EYS: variants seen among roughly 807,000 people sequenced by gnomAD.
The protein encoded by EYS is protein eyes shut homolog.
In EYS, 250 loss-of-function variants were observed where a neutral mutation model predicts 282.1. The observed-to-expected ratio is 0.89, with a 90% CI of 0.80 to 0.98. The LOEUF (loss-of-function observed/expected upper bound fraction) is 0.98, where lower values mean the gene tolerates loss of function less well. Ranked by LOEUF, EYS falls within the 50% of genes least tolerant of loss-of-function variation. The probability of loss-of-function intolerance (pLI) is 0.00; values close to 1 mark genes in which losing one functional copy is unlikely to be tolerated. For missense variants in EYS, 4,016 were observed against 3,709.0 expected (o/e 1.08, Z -2.15); for synonymous variants, 1,355 against 1,282.9 (o/e 1.06, Z -1.20).
chr6:65,484,867 A>G (rs2127259342), intron 5 of EYS, among the ~76,000 whole-genome samples: 1 of 152,316 alleles, frequency 6.6e-6, no homozygotes, highest in Non-Finnish European at 1.5e-5. Context: ...CTATTTTTGT[A>G]AACAAAGTTT....
At chr6:64,407,872 C>T (rs1489130838) in intron 28 of EYS, among the ~76,000 whole-genome samples, 1 of 152,070 alleles carries the variant, frequency 6.6e-6, no homozygotes, top group Non-Finnish European at 1.5e-5. Context: ...GCTGAGATTA[C>T]AGGTGTCCAC....
intron 30 of EYS, among the ~76,000 whole-genome samples, chr6:64,277,189 T>C (rs914732016): frequency 6.6e-6 from 1 of 152,152 alleles, no homozygotes; most frequent in Non-Finnish European, 1.5e-5. Flanking sequence ...CTCCTAATGC[T>C]TGTCCCCCAA....
At chr6:63,886,517 A>C (rs928445422) in intron 35 of EYS, among the ~76,000 whole-genome samples, 1 of 152,228 alleles carries the variant, frequency 6.6e-6, no homozygotes, top group African/African-American at 2.4e-5. Flanking sequence ...AAGTAATGCT[A>C]TGCAAGTTTC....
Position 64,687,433 on chromosome 6 carries a change from C to T in EYS, c.3444-61188G>A, listed in dbSNP as rs372373828. The stretch of plus-strand genomic sequence containing the variant: ...CATTGAGAGTTTTTAGCATGAAGGG[C>T]TGTTGAATTTTGTTGAAGGCCTTTT... On this transcript the variant is annotated intron_variant, in intron 22 of 42. Transcript: ENST00000503581. Among the ~76,000 whole-genome samples, 47 of 152,102 alleles carry T rather than the reference C, an allele frequency of 3.1e-4. No homozygotes were observed. In the South Asian group the frequency reaches 4.1e-3, roughly 13 times the overall value.
At chr6:63,983,804 A>T (rs892383873) in intron 35 of EYS, among the ~76,000 whole-genome samples, 2 of 151,798 alleles carry the variant, frequency 1.3e-5, no homozygotes, top group African/African-American at 4.8e-5. Context: ...GGGTTGATTC[A>T]GTTAAGACAT....
In EYS at chr6:65,405,293, T is replaced by G. The variant is rs759580570; in HGVS notation, c.937A>C (p.Ser313Arg). ...FWKRGICPNSSSAYTYECPKG... is the reference protein window; with the variant it reads ...FWKRGICPNSRSAYTYECPKG... ...GGGCATTCATAAGTATAAGCAGAAC[T>G]GCTATTTGGGCAAATTCCTCTTTTC... Residue 313 changes from serine (S) to arginine (R), a missense_variant, in exon 6 of 43, where the codon AGT (serine) becomes CGT (arginine). Ser to Arg is a moderately radical substitution (Grantham distance 110, BLOSUM62 -1). Transcript: ENST00000503581. 7 of 1,612,958 alleles carry G rather than the reference T, an allele frequency of 4.3e-6. No individual in the cohort carries two copies. In the Admixed American group the frequency reaches 1.2e-4, roughly 27 times the overall value.
Position 65,175,217 on chromosome 6 carries a change from T to A in EYS, c.2024-117490A>T, listed in dbSNP as rs1562004843. ...ATGTTTTAAGGTAAGATAATATCATTCATTGAATTTGGATCTACTGAGTTT... is the reference window on the plus strand; with the variant it reads ...ATGTTTTAAGGTAAGATAATATCATACATTGAATTTGGATCTACTGAGTTT... On this transcript the variant is annotated intron_variant, in intron 12 of 42. Transcript: ENST00000503581. Among the ~76,000 whole-genome samples the A allele has an allele frequency of 5.3e-5, 8 of 151,478 alleles. No homozygotes were observed. In the South Asian group the frequency reaches 1.7e-3, roughly 31 times the overall value.
rs576397068 is a variant in EYS at position 64,160,672 on chromosome 6, A to G, written c.6424+69920T>C. The stretch of plus-strand genomic sequence containing the variant: ...TTCAATGCAGACATTTCCTGCTTTA[A>G]TGCATCTTTGTCTTTTTGGCCATGG... On this transcript the variant is annotated intron_variant, in intron 31 of 42. Transcript: ENST00000503581. 3.9e-5 allele frequency among the ~76,000 whole-genome samples: 6 copies of G among 152,342 alleles called. No individual in the cohort carries two copies. The South Asian group carries it at 1.0e-3, about 26-fold the overall frequency.
intron 12 of EYS, among the ~76,000 whole-genome samples, chr6:65,168,413 TGA>T (rs1765025693): frequency 6.6e-6 from 1 of 151,262 alleles, no homozygotes; most frequent in Non-Finnish European, 1.5e-5. Flanking sequence ...TTCTGGAAAT[TGA>T]GACTTCCAAG....
intron 2 of EYS, among the ~76,000 whole-genome samples, chr6:65,564,119 G>A (rs1263771589): frequency 6.6e-6 from 1 of 152,034 alleles, no homozygotes; most frequent in East Asian, 1.9e-4. Context: ...AAGGAAATGA[G>A]AGAGGACACA....
intron 29 of EYS, among the ~76,000 whole-genome samples, chr6:64,361,683 C>A (rs1163294296): frequency 6.6e-6 from 1 of 151,668 alleles, no homozygotes; most frequent in African/African-American, 2.4e-5. Context: ...ATTCCTTTAA[C>A]AATTGCATTT....
At chr6:64,306,791 G>A (rs1769461817) in intron 30 of EYS, among the ~76,000 whole-genome samples, 179 bp downstream of exon 30, 1 of 152,086 alleles carries the variant, frequency 6.6e-6, no homozygotes, top group Non-Finnish European at 1.5e-5. Context: ...CATCTTAATT[G>A]GGATATAACT....
rs144576699 is a variant in EYS at position 65,264,888 on chromosome 6, T to C, written c.2023+30975A>G. Among the ~76,000 whole-genome samples, 790 of 151,886 alleles carry C rather than the reference T, an allele frequency of 5.2e-3. 6 individuals carry two copies. The highest frequency in any genetic ancestry group is 0.018 in the African/African-American group (759 of 41,530). On this transcript the variant is annotated intron_variant, in intron 12 of 42. Transcript: ENST00000503581. ...TATCATAGATATATCTGTGTAGATATATCTTATTCTATTTATTTTATCTAA... is the reference window on the plus strand; with the variant it reads ...TATCATAGATATATCTGTGTAGATACATCTTATTCTATTTATTTTATCTAA...
At chr6:64,533,629 G>A (rs1764424226) in intron 26 of EYS, among the ~76,000 whole-genome samples, 1 of 151,752 alleles carries the variant, frequency 6.6e-6, no homozygotes, top group South Asian at 2.1e-4. Context: ...ACACTTTTAG[G>A]CAAAATAAAA....
chr6:64,263,010 T>G (rs1767638619), intron 30 of EYS, among the ~76,000 whole-genome samples: 1 of 152,102 alleles, frequency 6.6e-6, no homozygotes, highest in East Asian at 1.9e-4. Flanking sequence ...CTTAATTATT[T>G]ATAATTCTGC....
At chr6:63,999,006 C>A (rs1767959685) in intron 34 of EYS, 69 bp downstream of exon 34, 1 of 947,424 alleles carries the variant, frequency 1.1e-6, no homozygotes. Context: ...TGCTTAGTAA[C>A]ATAAAAAATA....
intron 2 of EYS, among the ~76,000 whole-genome samples, chr6:65,585,749 T>G (rs1412211541): frequency 6.6e-6 from 1 of 151,782 alleles, no homozygotes; most frequent in Non-Finnish European, 1.5e-5. Context: ...GAGTTTTACC[T>G]AGAAAAGATT....
At chr6:65,574,737 G>A (rs1400516908) in intron 2 of EYS, among the ~76,000 whole-genome samples, 3 of 151,934 alleles carry the variant, frequency 2.0e-5, no homozygotes, top group South Asian at 2.1e-4. Flanking sequence ...AGGAAACATC[G>A]GACTTGAACT....
At chr6:64,923,204 A>T (rs1470284311) in intron 15 of EYS, among the ~76,000 whole-genome samples, 3 of 152,112 alleles carry the variant, frequency 2.0e-5, no homozygotes, top group African/African-American at 4.8e-5. Context: ...GAGGCCTCAG[A>T]ATCATGATGG....
Sources: gnomAD v4.1 joint callset for allele counts (sites outside exome capture counted in the v4.1 genomes callset) on GRCh38, gnomAD v4.1.1 for gene constraint, MANE v1.5 for transcripts, NCBI Gene and HGNC (gene_info 2026-07-23, HGNC 2026-07-21) for gene names.